P2RY8: variants seen among roughly 807,000 people sequenced by gnomAD.
P2RY8 encodes P2Y receptor family member 8.
P2RY8 carries 6 observed loss-of-function variants against 10.0 expected under a neutral mutation model. The ratio of observed to expected loss-of-function variants is 0.60; its 90% confidence interval spans 0.33 to 1.19. P2RY8 has a LOEUF of 1.19. Ranked by LOEUF, P2RY8 falls within the 50% of genes most tolerant of loss-of-function variation. P2RY8 has a pLI of 0.04. For synonymous variants in P2RY8, 276 were observed against 252.5 expected, an observed-to-expected ratio of 1.09 and a Z score of -0.88; for missense variants, 456 against 542.0, an observed-to-expected ratio of 0.84 and a Z score of 1.58.
chrX:1,530,014 T>C (rs1326639535), intron 1 of P2RY8, among the ~76,000 whole-genome samples: 1 of 152,010 alleles, frequency 6.6e-6, no homozygotes, highest in Non-Finnish European at 1.5e-5. Flanking sequence ...CGGCCCCAAA[T>C]GTCTATAGTG....
intron 1 of P2RY8, among the ~76,000 whole-genome samples, chrX:1,471,200 GT>G (rs1228365220): frequency 1.3e-5 from 2 of 151,130 alleles, no homozygotes; most frequent in African/African-American, 4.9e-5. Context: ...TAGAGACAGG[GT>G]TTCACCATGT....
intron 1 of P2RY8, among the ~76,000 whole-genome samples, chrX:1,534,731 A>G (rs1569539040): frequency 6.6e-6 from 1 of 152,128 alleles, no homozygotes; most frequent in Non-Finnish European, 1.5e-5. Context: ...GCCCGGGGAA[A>G]GGGCCTCTCC....
Position 1,465,882 on chromosome X carries a change from GCCT to G in P2RY8, c.674_676del (p.Glu225del). ...GCGCCTCCGCTGCTCCCGGCCGTGC[GCCT>G]CCTCCGTGCGCAACAGCTTGAGGAT... On this transcript the variant is annotated inframe_deletion, in exon 2 of 2. Coordinates refer to ENST00000381297, the MANE Select transcript of P2RY8 (RefSeq NM_178129.5). The G allele has an allele frequency of 6.2e-7, 1 of 1,612,414 alleles. No homozygotes were observed. Among genetic ancestry groups the G allele is most frequent in the Non-Finnish European group, 8.5e-7 (1 of 1,179,684 alleles).
rs1556686043 is a variant in P2RY8, at chrX:1,524,669, T to TCCATTCATCCATC, written c.-25+12251_-25+12252insGATGGATGAATGG. ...TACATCCATCCATCCATCCATCCAT[T>TCCATTCATCCATC]CATCCATCCATCCATCCATCCATCC... On this transcript the variant is annotated intron_variant, in intron 1 of 1. Transcript: ENST00000381297. Among the ~76,000 whole-genome samples, 26 of 51,058 alleles carry TCCATTCATCCATC rather than the reference T, an allele frequency of 5.1e-4. 2 individuals carry two copies. Among genetic ancestry groups the TCCATTCATCCATC allele is most frequent in the African/African-American group, 1.1e-3 (14 of 12,230 alleles). 33.5% of individuals were successfully genotyped at this position (51,058 alleles called of 152,430 possible).
chrX:1,513,996 C>T (rs1366207477), intron 1 of P2RY8, among the ~76,000 whole-genome samples: 1 of 152,342 alleles, frequency 6.6e-6, no homozygotes, highest in East Asian at 1.9e-4. Context: ...AAACAAAGTC[C>T]TGTTTCCAGG....
intron 1 of P2RY8, among the ~76,000 whole-genome samples, chrX:1,525,671 C>A (rs146531562): frequency 0.013 from 1,956 of 152,206 alleles, 31 homozygotes; most frequent in African/African-American, 0.045. Flanking sequence ...ATTCATTTAT[C>A]CATGTATGTA....
intron 1 of P2RY8, among the ~76,000 whole-genome samples, chrX:1,497,761 G>A (rs748190373): frequency 2.0e-5 from 3 of 152,256 alleles, no homozygotes; most frequent in Admixed American, 2.0e-4. Context: ...CTGAGGTGTG[G>A]AGTAGCATCC....
intron 1 of P2RY8, among the ~76,000 whole-genome samples, chrX:1,514,745 CCTTCCT>C (rs2092330390): frequency 1.8e-5 from 1 of 54,284 alleles, no homozygotes. Flanking sequence ...CCCTTCCTTC[CCTTCCT>C]TCCCTTCCCT....
At chrX:1,524,193 A>G (rs1204787213) in intron 1 of P2RY8, among the ~76,000 whole-genome samples, 1 of 152,068 alleles carries the variant, frequency 6.6e-6, no homozygotes, top group African/African-American at 2.4e-5. Context: ...CAAGAGTTTG[A>G]TGGTGTGGGG....
At chrX:1,468,589 T>C (rs2091726487) in intron 1 of P2RY8, among the ~76,000 whole-genome samples, 1 of 152,024 alleles carries the variant, frequency 6.6e-6, no homozygotes, top group South Asian at 2.1e-4. Flanking sequence ...ATGGAAATTT[T>C]AGAAAATCAG....
At chrX:1,467,184 G>T (rs2091697438) in intron 1 of P2RY8, among the ~76,000 whole-genome samples, 1 of 152,078 alleles carries the variant, frequency 6.6e-6, no homozygotes, top group South Asian at 2.1e-4. Flanking sequence ...TCTATCAGCA[G>T]AAAACACACA....
intron 1 of P2RY8, among the ~76,000 whole-genome samples, chrX:1,500,422 C>T (rs1311318629): frequency 6.6e-5 from 10 of 151,684 alleles, no homozygotes; most frequent in African/African-American, 2.4e-4. Flanking sequence ...GGACTACAGG[C>T]GTGCACCACC....
intron 1 of P2RY8, among the ~76,000 whole-genome samples, chrX:1,511,262 A>G (rs2092295829): frequency 6.6e-6 from 1 of 152,116 alleles, no homozygotes; most frequent in East Asian, 1.9e-4. Context: ...AAAAGTCTCT[A>G]CCCCCAAGTG....
chrX:1,517,185 T>C (rs1391345456), intron 1 of P2RY8, among the ~76,000 whole-genome samples: 1 of 151,324 alleles, frequency 6.6e-6, no homozygotes, highest in Non-Finnish European at 1.5e-5. Context: ...CAGTCTATGG[T>C]ATTCTGTGGT....
Position 1,462,904 on chromosome X carries a change from A to G in P2RY8, c.*2575T>C, listed in dbSNP as rs2091604088. 3 of 232,932 alleles carry G rather than the reference A, an allele frequency of 1.3e-5. No homozygotes were observed. The highest frequency in any genetic ancestry group is 6.6e-5 in the African/African-American group (3 of 45,314). The allele number at this position is 232,932 out of a possible 1,614,324, so 14.4% of individuals were successfully genotyped here. Reference sequence around the variant, plus strand: ...TGAACAGACTGAGTCAGCTTCCAGGAAACATCCACGGCTGTAAGAGGGGGT... The same window carrying G: ...TGAACAGACTGAGTCAGCTTCCAGGGAACATCCACGGCTGTAAGAGGGGGT... On this transcript the variant is annotated 3_prime_UTR_variant, in exon 2 of 2. Coordinates refer to ENST00000381297, the MANE Select transcript of P2RY8 (RefSeq NM_178129.5).
At chrX:1,534,870 G>C (rs1295896090) in intron 1 of P2RY8, among the ~76,000 whole-genome samples, 2 of 152,144 alleles carry the variant, frequency 1.3e-5, no homozygotes, top group Non-Finnish European at 2.9e-5. Context: ...GTTGGAGGGA[G>C]GGAGCGTCTC....
intron 1 of P2RY8, among the ~76,000 whole-genome samples, chrX:1,528,626 A>G (rs2092454023): frequency 6.6e-6 from 1 of 152,138 alleles, no homozygotes; most frequent in Non-Finnish European, 1.5e-5. Context: ...GTTTCTTTGA[A>G]TGAGTGTGGA....
At chrX:1,519,404 A>G (rs1267826334) in intron 1 of P2RY8, among the ~76,000 whole-genome samples, 1 of 149,910 alleles carries the variant, frequency 6.7e-6, no homozygotes, top group Non-Finnish European at 1.5e-5. Context: ...GTCCCCAATA[A>G]TCTCCCTGCT....
intron 1 of P2RY8, among the ~76,000 whole-genome samples, chrX:1,533,835 ATATT>A (rs2092501900): frequency 8.4e-6 from 1 of 118,710 alleles, no homozygotes; most frequent in Non-Finnish European, 1.6e-5. Flanking sequence ...TTATATACTT[ATATT>A]TATTTAAATA....
Sources: gnomAD v4.1 joint callset for allele counts (sites outside exome capture counted in the v4.1 genomes callset) on GRCh38, gnomAD v4.1.1 for gene constraint, MANE v1.5 for transcripts, NCBI Gene and HGNC (gene_info 2026-07-23, HGNC 2026-07-21) for gene names.